Variants in UNKL observed in about 807,000 individuals in gnomAD.
UNKL encodes putative E3 ubiquitin-protein ligase UNKL.
In UNKL, 60 loss-of-function variants were observed where a neutral mutation model predicts 78.0. That is an observed-to-expected ratio of 0.77 (90% confidence interval 0.63 to 0.95). The LOEUF (loss-of-function observed/expected upper bound fraction) is 0.95, where lower values mean the gene tolerates loss of function less well. UNKL is among the 40% of genes least tolerant of loss of function. The pLI is 0.00. For missense variants in UNKL, 1,159 were observed against 1,045.7 expected (o/e 1.11, Z -1.49); for synonymous variants, 608 against 474.8 (o/e 1.28, Z -3.65).
chr16:1,397,854 C>T (rs568377355), intron 5 of UNKL, among the ~76,000 whole-genome samples: 87 of 152,318 alleles, frequency 5.7e-4, no homozygotes, highest in African/African-American at 2.1e-3. Flanking sequence ...CACAGGAAAA[C>T]ATGGTTCCTC....
rs1183967820 is a variant in UNKL at position 1,364,357 on chromosome 16, A to C, written c.*1883T>G. 6.6e-6 allele frequency: 1 copy of C among 152,244 alleles called. No homozygotes were observed. The highest frequency in any genetic ancestry group is 1.5e-5 in the Non-Finnish European group (1 of 68,038). The allele number at this position is 152,244 out of a possible 1,614,324, so 9.4% of individuals were successfully genotyped here. A position where few individuals can be genotyped will look rare whatever the true frequency, so the allele number is the denominator to read the frequency against. ...ATTCTAATTTGGTCACTGATGATAA[A>C]GATTTTTACCTAGACGTTTTGCACT... On this transcript the variant is annotated 3_prime_UTR_variant, in exon 15 of 15. Coordinates refer to ENST00000389221, the MANE Select transcript of UNKL (RefSeq NM_001372107.1).
chr16:1,385,090 C>T, intron 10 of UNKL, 118 bp downstream of exon 10: 1 of 841,002 alleles, frequency 1.2e-6, no homozygotes, highest in East Asian at 3.5e-5. Context: ...ACGCGTCTGG[C>T]TTCTCTACAA....
intron 11 of UNKL, 93 bp from the exon 12 acceptor site, chr16:1,370,450 AGGTGGT>A: frequency 8.6e-7 from 1 of 1,166,432 alleles, no homozygotes; most frequent in Non-Finnish European, 1.1e-6. Context: ...CGGACCCTGC[AGGTGGT>A]GGTGGTGGGG....
At chr16:1,369,961 C>T (rs752302553) in intron 12 of UNKL, 169 bp downstream of exon 12, 31 of 1,549,870 alleles carry the variant, frequency 2.0e-5, no homozygotes, top group East Asian at 4.9e-5. Flanking sequence ...GGCGACAGAG[C>T]GAGACTCGGT....
chr16:1,383,031 G>A (rs916973247), intron 10 of UNKL, among the ~76,000 whole-genome samples: 4 of 151,414 alleles, frequency 2.6e-5, no homozygotes, highest in East Asian at 3.9e-4. Flanking sequence ...AGGCCCAGGC[G>A]GGCAGATCAC....
chr16:1,381,428 T>C (rs1434087640), intron 10 of UNKL, among the ~76,000 whole-genome samples: 2 of 152,210 alleles, frequency 1.3e-5, no homozygotes, highest in African/African-American at 4.8e-5. Flanking sequence ...GAGACCAGCC[T>C]GGCCAACATG....
In UNKL at chr16:1,394,165, C is replaced by T. The variant is rs557318688; in HGVS notation, c.903G>A (p.Pro301=). ...GTGCAAAGGCACAGAAGGGGCCGCG[C>T]GGGCAGTACCCGGTTTGGCGCATGT... ...CNDMRQTGYC[P]RGPFCAFAHV... is the part of the protein sequence containing the mutation. The change falls in exon 7 of 15, where the codon CCG becomes CCA. Residue 301 remains proline, a synonymous_variant. Coordinates refer to ENST00000389221, the MANE Select transcript of UNKL (RefSeq NM_001372107.1). 1.4e-4 allele frequency: 213 copies of T among 1,550,650 alleles called. No homozygotes were observed. The African/African-American group carries it at 2.7e-3, about 20-fold the overall frequency.
At chr16:1,368,595 T>C (rs28755969) in intron 12 of UNKL, among the ~76,000 whole-genome samples, 119,138 of 129,238 alleles carry the variant, frequency 0.92, 54,969 homozygotes, top group East Asian at 1. Context: ...GGCGACAGAA[T>C]GAGACTCCGT....
intron 4 of UNKL, 46 bp downstream of exon 4, chr16:1,401,522 T>TGGGGGGGG: frequency 2.7e-6 from 4 of 1,467,524 alleles, no homozygotes; most frequent in Non-Finnish European, 3.6e-6. Flanking sequence ...TCTCGCGCTG[T>TGGGGGGGG]GCCCGCCCCC....
At chr16:1,381,871 G>A (rs945423427) in intron 10 of UNKL, among the ~76,000 whole-genome samples, 15 of 152,230 alleles carry the variant, frequency 9.9e-5, no homozygotes, top group Non-Finnish European at 1.5e-5. Flanking sequence ...CTGGAGCACA[G>A]GAGTTGGAGG....
At chr16:1,376,877 G>A (rs1034428021) in intron 10 of UNKL, among the ~76,000 whole-genome samples, 6 of 151,928 alleles carry the variant, frequency 3.9e-5, no homozygotes, top group African/African-American at 1.5e-4. Flanking sequence ...CGCAAATGCT[G>A]TACACTGCTG....
At chr16:1,385,449 G>A in intron 9 of UNKL, 64 bp from the exon 10 acceptor site, 1 of 1,270,938 alleles carries the variant, frequency 7.9e-7, no homozygotes, top group South Asian at 2.5e-5. Context: ...CGCCACGTCG[G>A]CACCCTGCAG....
chr16:1,372,044 C>T (rs1015275914), intron 10 of UNKL, among the ~76,000 whole-genome samples: 1 of 151,774 alleles, frequency 6.6e-6, no homozygotes, highest in Non-Finnish European at 1.5e-5. Context: ...ATCACAAGGT[C>T]AGGAGATCGA....
chr16:1,386,879 C>T (rs1451782184), intron 9 of UNKL, among the ~76,000 whole-genome samples: 1 of 152,156 alleles, frequency 6.6e-6, no homozygotes, highest in Non-Finnish European at 1.5e-5. Flanking sequence ...AAAACAGTCC[C>T]CTCCAGCTGC....
At chr16:1,396,896 G>A (rs2037290326) in intron 6 of UNKL, 3 of 443,814 alleles carry the variant, frequency 6.8e-6, no homozygotes. Flanking sequence ...GAATATGTAT[G>A]TTTTTAATTG....
rs1245195207 is a variant in UNKL, at chr16:1,403,817, G to A, written c.288-473C>T. 6.6e-6 allele frequency among the ~76,000 whole-genome samples: 1 copy of A among 152,172 alleles called. No homozygotes were observed. Among genetic ancestry groups the A allele is most frequent in the Non-Finnish European group, 1.5e-5 (1 of 68,026 alleles). ...CAGGGACCCCAGGAGGGAGGTAGGG[G>A]AGGGAACAAGCACAGGGCCCTGGAC... is the stretch of plus-strand genomic sequence containing the variant. On this transcript the variant is annotated intron_variant, in intron 2 of 14. Transcript: ENST00000389221. The surrounding 1 kb of genome is among the most constrained non-coding windows in gnomAD (Gnocchi z 4.8).
At position 1,385,227 on chromosome 16, in the gene UNKL, G is replaced by A; in HGVS notation, c.1245C>T (p.Ser415=). 1 of 1,297,990 alleles carries A rather than the reference G, an allele frequency of 7.7e-7. No homozygotes were observed. The allele number at this position is 1,297,990 out of a possible 1,614,324, so 80.4% of individuals were successfully genotyped here. ...ACTTACCGAGGACGGCCTCCACAGT[G>A]CTGCTGGCGGGGCCGAGCGGGAGGG... ...ARALPLGPAS[S]TVEAVLGSAL... Residue 415 remains serine (S), a synonymous_variant, in exon 10 of 15, where the codon AGC becomes AGT. Coordinates refer to ENST00000389221, the MANE Select transcript of UNKL (RefSeq NM_001372107.1).
At chr16:1,414,115 G>C in intron 1 of UNKL, 60 bp from the exon 2 acceptor site, 1 of 1,473,144 alleles carries the variant, frequency 6.8e-7, no homozygotes, top group Non-Finnish European at 9.1e-7. Context: ...ACTCGGACTC[G>C]TGGGCGGCGG....
At chr16:1,394,315 C>A in intron 6 of UNKL, 100 bp from the exon 7 acceptor site, 5 of 1,373,202 alleles carry the variant, frequency 3.6e-6, no homozygotes, top group Non-Finnish European at 4.0e-6. Context: ...AGCTCCAAAT[C>A]GTAACAAGAC....
Sources: gnomAD v4.1 joint callset for allele counts (sites outside exome capture counted in the v4.1 genomes callset) on GRCh38, gnomAD v4.1.1 for gene constraint, Gnocchi (gnomAD v3.1) non-coding constraint, MANE v1.5 for transcripts, NCBI Gene and HGNC (gene_info 2026-07-23, HGNC 2026-07-21) for gene names.